RNF38: variants seen among roughly 807,000 people sequenced by gnomAD.
RNF38 encodes E3 ubiquitin-protein ligase RNF38.
RNF38 carries 15 observed loss-of-function variants against 67.2 expected under a neutral mutation model. The ratio of observed to expected loss-of-function variants is 0.22; its 90% CI spans 0.15 to 0.34. The LOEUF is 0.34. Ranked by LOEUF, RNF38 falls within the 10% of genes least tolerant of loss-of-function variation. The pLI is 1.00. For missense variants in RNF38, 524 were observed against 639.9 expected (o/e 0.82, Z 1.95); for synonymous variants, 220 against 218.8 (o/e 1.01, Z -0.05).
intron 1 of RNF38, among the ~76,000 whole-genome samples, chr9:36,446,549 G>A (rs1323672819): frequency 6.6e-6 from 1 of 152,140 alleles, no homozygotes; most frequent in Non-Finnish European, 1.5e-5. Context: ...GCTCACGCCT[G>A]TAATCCCAAC....
intron 9 of RNF38, among the ~76,000 whole-genome samples, chr9:36,346,753 A>G (rs1305729058): frequency 2.6e-5 from 4 of 152,164 alleles, no homozygotes; most frequent in Non-Finnish European, 5.9e-5. Context: ...CATTATTTAG[A>G]TAATTGCGTC....
chr9:36,427,418 A>C (rs901791192), intron 1 of RNF38, among the ~76,000 whole-genome samples: 2 of 152,096 alleles, frequency 1.3e-5, no homozygotes, highest in Non-Finnish European at 2.9e-5. Context: ...TGTTATCAAA[A>C]TTCCTATGTT....
intron 1 of RNF38, among the ~76,000 whole-genome samples, chr9:36,391,476 T>C (rs1394249713): frequency 6.6e-6 from 1 of 152,168 alleles, no homozygotes; most frequent in African/African-American, 2.4e-5. Flanking sequence ...TCCCTTCTTG[T>C]ACCTACACTA....
At chr9:36,416,718 G>T (rs2134217354) in intron 2 of RNF38, among the ~76,000 whole-genome samples, 1 of 147,734 alleles carries the variant, frequency 6.8e-6, no homozygotes, top group East Asian at 2.0e-4. Context: ...TGTCTACAGG[G>T]CTCCTTCTTG....
chr9:36,402,230 T>C (rs1322177098), upstream of RNF38, among the ~76,000 whole-genome samples: 4 of 152,166 alleles, frequency 2.6e-5, no homozygotes, highest in Non-Finnish European at 5.9e-5. Context: ...ATTAGGTCCC[T>C]ATGAACATAT....
upstream of RNF38, chr9:36,487,611 G>C (rs1268592763): frequency 1.0e-6 from 1 of 977,926 alleles, no homozygotes; most frequent in Admixed American, 6.3e-5. Flanking sequence ...CGGCGCGGCA[G>C]GCGCTGGCTG....
In RNF38 at chr9:36,339,471, C is replaced by T. The variant is rs1350317209; in HGVS notation, c.*281G>A. ...TCCACTGTAATCTTGCAGCAACACT[C>T]GGAATGATCACACAAAAACCAGGGA... On this transcript the variant is annotated 3_prime_UTR_variant, in exon 12 of 12. Coordinates refer to ENST00000259605, the MANE Select transcript of RNF38 (RefSeq NM_022781.5). The T allele has an allele frequency of 7.4e-6, 3 of 403,582 alleles. No homozygotes were observed. Among genetic ancestry groups the T allele is most frequent in the Non-Finnish European group, 1.4e-5 (3 of 220,398 alleles). 25.0% of individuals were successfully genotyped at this position (403,582 alleles called of 1,614,324 possible).
intron 1 of RNF38, among the ~76,000 whole-genome samples, chr9:36,477,531 A>C (rs1840148360): frequency 6.6e-6 from 1 of 151,830 alleles, no homozygotes; most frequent in Non-Finnish European, 1.5e-5. Context: ...TTAAAAGGTT[A>C]GTGTAGTTGG....
intron 9 of RNF38, among the ~76,000 whole-genome samples, chr9:36,349,514 A>G (rs991218849): frequency 6.6e-6 from 1 of 152,114 alleles, no homozygotes; most frequent in Non-Finnish European, 1.5e-5. Context: ...AGTTCCTTGA[A>G]TATTTTAAAT....
intron 2 of RNF38, among the ~76,000 whole-genome samples, chr9:36,411,398 C>CTA: frequency 6.6e-6 from 1 of 152,166 alleles, no homozygotes; most frequent in African/African-American, 2.4e-5. Flanking sequence ...ACCATATGAT[C>CTA]TAGCAATTCC....
At chr9:36,482,482 A>G (rs971316366) in intron 1 of RNF38, among the ~76,000 whole-genome samples, 1 of 150,562 alleles carries the variant, frequency 6.6e-6, no homozygotes, top group African/African-American at 2.5e-5. Flanking sequence ...CCTCCAAAGT[A>G]GCTGGGATTA....
In RNF38 at chr9:36,400,198, C is replaced by A; in HGVS notation, c.-90G>T. 6.5e-7 allele frequency: 1 copy of A among 1,545,928 alleles called. No individual in the cohort carries two copies. Among genetic ancestry groups the A allele is most frequent in the South Asian group, 1.2e-5 (1 of 83,224 alleles). On this transcript the variant is annotated 5_prime_UTR_variant, in exon 1 of 12. Transcript: ENST00000259605. ...AAACCAACCTCTCTCACGCTTCAAC[C>A]CTGAAAGGAAGAACTTGCATCCCCT...
chr9:36,446,781 C>T (rs896720600), intron 1 of RNF38, among the ~76,000 whole-genome samples: 2 of 125,338 alleles, frequency 1.6e-5, no homozygotes, highest in Admixed American at 1.0e-4. Context: ...GCACTTCAGC[C>T]TGGGCGACAG....
intron 4 of RNF38, among the ~76,000 whole-genome samples, chr9:36,358,232 A>C (rs1393291036): frequency 6.6e-6 from 1 of 152,242 alleles, no homozygotes; most frequent in African/African-American, 2.4e-5. Flanking sequence ...TGTCCTATAA[A>C]GGCAGAATAA....
chr9:36,357,742 T>C (rs1422677146), intron 5 of RNF38, 33 bp downstream of exon 5: 3 of 1,587,582 alleles, frequency 1.9e-6, no homozygotes, highest in East Asian at 2.2e-5. Context: ...TGCTTAATAG[T>C]AATATCTAAT....
rs1168815139 is a variant in RNF38, at chr9:36,339,265, C to CA, written c.*486dup. ...ATGCTGGTATATAGGATCTCATACA[C>CA]ACGTTAGCTACCATGCCCTCACACA... On this transcript the variant is annotated 3_prime_UTR_variant, in exon 12 of 12. Transcript: ENST00000259605. The CA allele has an allele frequency of 6.3e-6, 1 of 159,464 alleles. No homozygotes were observed. The highest frequency in any genetic ancestry group is 2.4e-5 in the African/African-American group (1 of 41,580). 9.9% of individuals were successfully genotyped at this position (159,464 alleles called of 1,614,324 possible). A position where few individuals can be genotyped will look rare whatever the true frequency, so the allele number is the denominator to read the frequency against.
rs1333787515 is a variant in RNF38, at chr9:36,376,172, G to A, written c.163-45C>T. Reference sequence around the variant, plus strand: ...GATCAACTGAGTAAGATCTTTTAAAGATTTCACATTACTGCATATGCACAG... The same window carrying A: ...GATCAACTGAGTAAGATCTTTTAAAAATTTCACATTACTGCATATGCACAG... On this transcript the variant is annotated intron_variant, in intron 2 of 11. Coordinates refer to ENST00000259605, the MANE Select transcript of RNF38 (RefSeq NM_022781.5). 1.1e-5 allele frequency: 16 copies of A among 1,418,886 alleles called. 1 individual carries two copies. The highest frequency in any genetic ancestry group is 3.9e-4 in the Middle Eastern group (2 of 5,140). The allele number at this position is 1,418,886 out of a possible 1,614,324, so 87.9% of individuals were successfully genotyped here. A position where few individuals can be genotyped will look rare whatever the true frequency, so the allele number is the denominator to read the frequency against.
Position 36,337,286 on chromosome 9 carries a change from CTA to C in RNF38, c.*2464_*2465del, listed in dbSNP as rs1306772233. ...ACAATAAGCAAGTCTGCACACATCT[CTA>C]TGAGCCCCATGCAAAGACAAGACAT... On this transcript the variant is annotated 3_prime_UTR_variant, in exon 12 of 12. Coordinates refer to ENST00000259605, the MANE Select transcript of RNF38 (RefSeq NM_022781.5). 1 of 152,476 alleles carries C rather than the reference CTA, an allele frequency of 6.6e-6. No homozygotes were observed. Among genetic ancestry groups the C allele is most frequent in the Non-Finnish European group, 1.5e-5 (1 of 68,050 alleles). The allele number at this position is 152,476 out of a possible 1,614,324, so 9.4% of individuals were successfully genotyped here.
chr9:36,362,905 T>A (rs1834672386), intron 4 of RNF38, among the ~76,000 whole-genome samples: 1 of 127,914 alleles, frequency 7.8e-6, no homozygotes, highest in Admixed American at 7.7e-5. Context: ...GTGCTGGGAT[T>A]ACAAGCGTGA....
Sources: allele counts gnomAD v4.1 joint callset (sites outside exome capture counted in the v4.1 genomes callset), GRCh38; gene constraint gnomAD v4.1.1; transcripts MANE v1.5; gene names NCBI Gene and HGNC (gene_info 2026-07-23, HGNC 2026-07-21).